NBAS: variants seen among roughly 807,000 people sequenced by gnomAD.
NBAS encodes NAG/BC035112 fusion.
A neutral mutation model predicts 302.5 loss-of-function variants in NBAS; 219 were observed. The observed-to-expected ratio is 0.72, with a 90% CI of 0.65 to 0.81. The LOEUF is 0.81. Ranked by LOEUF, NBAS falls within the 30% of genes least tolerant of loss-of-function variation. The probability of loss-of-function intolerance (pLI) is 0.00; values close to 1 mark genes in which losing one functional copy is unlikely to be tolerated. For synonymous variants in NBAS, 1,118 were observed against 1,021.6 expected, an observed-to-expected ratio of 1.09 and a Z score of -1.80; for missense variants, 2,932 against 2,841.6, an observed-to-expected ratio of 1.03 and a Z score of -0.72.
In NBAS at chr2:15,176,157, C is replaced by T. The variant is rs11891085; in HGVS notation, c.6840+2831G>A. Among the ~76,000 whole-genome samples, 1,370 of 152,332 alleles carry T rather than the reference C, an allele frequency of 9.0e-3. 17 individuals carry two copies. Among genetic ancestry groups the T allele is most frequent in the African/African-American group, 0.031 (1,295 of 41,568 alleles). On this transcript the variant is annotated intron_variant, in intron 51 of 51. Transcript: ENST00000281513. ...TGCAATACCAAGGATGACTTAAAAA[C>T]AGCTAGACGTGAGTCGGGCCAAAAT...
intron 21 of NBAS, among the ~76,000 whole-genome samples, chr2:15,437,328 A>T (rs1678076144): frequency 6.6e-6 from 1 of 152,082 alleles, no homozygotes; most frequent in Admixed American, 6.5e-5. Flanking sequence ...AAAGAGAAAG[A>T]GAGAGAGAGA....
chr2:15,129,114 A>G, the NBAS span, among the ~76,000 whole-genome samples: 6 of 152,340 alleles, frequency 3.9e-5, no homozygotes, highest in South Asian at 1.2e-3. Context: ...CCTCAGTGCC[A>G]TCAGCAACAT....
At position 15,488,975 on chromosome 2, in the gene NBAS, T is replaced by C. The variant is rs750871138; in HGVS notation, c.1002A>G (p.Ala334=). ...TCAGTTTCCCTGAGAAGTGAATGGC[T>C]GCCAGGAGCATCCCATCTGGAGAAA... The part of the protein sequence containing the change: ...MSLSPDGMLL[A]AIHFSGKLSI... The change falls in exon 12 of 52, where the codon GCA becomes GCG. Residue 334 remains alanine (A), a synonymous_variant. Transcript: ENST00000281513. The C allele has an allele frequency of 1.9e-6, 3 of 1,613,880 alleles. No individual in the cohort carries two copies. Among genetic ancestry groups the C allele is most frequent in the South Asian group, 2.2e-5 (2 of 91,078 alleles).
chr2:14,784,039 T>C, the NBAS span, among the ~76,000 whole-genome samples: 1 of 146,174 alleles, frequency 6.8e-6, no homozygotes, highest in Admixed American at 6.9e-5. Context: ...GGTATCTCAT[T>C]GTAGTTTTGA....
At chr2:15,110,612 G>C in the NBAS span, among the ~76,000 whole-genome samples, 1 of 152,232 alleles carries the variant, frequency 6.6e-6, no homozygotes, top group South Asian at 2.1e-4. Context: ...GGAATCCTCA[G>C]ACCCTTCCTC....
chr2:15,209,646 C>T (rs992526550), intron 48 of NBAS, among the ~76,000 whole-genome samples: 1 of 152,058 alleles, frequency 6.6e-6, no homozygotes, highest in Non-Finnish European at 1.5e-5. Flanking sequence ...TATGAAGTTA[C>T]AAAGACCTAG....
intron 28 of NBAS, among the ~76,000 whole-genome samples, chr2:15,384,100 G>C (rs1279662995): frequency 6.6e-6 from 1 of 152,226 alleles, no homozygotes. Context: ...CTCCAGGCCA[G>C]AGGCAATTTA....
At chr2:14,860,835 A>G in the NBAS span, among the ~76,000 whole-genome samples, 1 of 152,196 alleles carries the variant, frequency 6.6e-6, no homozygotes, top group African/African-American at 2.4e-5. Context: ...GCTCGAAGAG[A>G]GTAATTCAAG....
chr2:15,125,424 C>T, the NBAS span, among the ~76,000 whole-genome samples: 1 of 152,132 alleles, frequency 6.6e-6, no homozygotes, highest in East Asian at 1.9e-4. Context: ...CTCACAAGAA[C>T]TTACTCACTA....
the NBAS span, among the ~76,000 whole-genome samples, chr2:14,871,637 CA>C: frequency 6.6e-6 from 1 of 151,772 alleles, no homozygotes; most frequent in African/African-American, 2.4e-5. Context: ...AATAGTAGCA[CA>C]AAAGGCAGGA....
chr2:14,876,152 T>C, the NBAS span, among the ~76,000 whole-genome samples: 2 of 152,262 alleles, frequency 1.3e-5, no homozygotes, highest in Non-Finnish European at 1.5e-5. Flanking sequence ...TTATTTATTA[T>C]CACTGTTGGG....
chr2:15,520,619 A>C (rs566534327), intron 9 of NBAS, among the ~76,000 whole-genome samples: 101 of 152,274 alleles, frequency 6.6e-4, no homozygotes, highest in African/African-American at 2.4e-3. Context: ...ATAAAAAAAA[A>C]AACAGACAAT....
intron 11 of NBAS, among the ~76,000 whole-genome samples, chr2:15,503,439 G>C (rs1661679865): frequency 1.3e-5 from 2 of 152,302 alleles, no homozygotes; most frequent in South Asian, 2.1e-4. Context: ...AACTGAAGCA[G>C]TGAAAAAGAT....
chr2:15,002,637 G>T, the NBAS span, among the ~76,000 whole-genome samples: 1 of 152,224 alleles, frequency 6.6e-6, no homozygotes, highest in Non-Finnish European at 1.5e-5. Flanking sequence ...GGAGGTGGTG[G>T]GAGGCTCAGG....
the NBAS span, among the ~76,000 whole-genome samples, chr2:15,046,472 C>T: frequency 0.014 from 2,178 of 152,236 alleles, 39 homozygotes; most frequent in African/African-American, 0.043. Flanking sequence ...CAAACACAAA[C>T]TTTGAACACT....
the NBAS span, among the ~76,000 whole-genome samples, chr2:15,016,048 T>A: frequency 6.6e-6 from 1 of 151,640 alleles, no homozygotes; most frequent in Admixed American, 6.6e-5. Flanking sequence ...AAAAAAAAAA[T>A]ACCTTGTATA....
At chr2:15,360,936 T>C (rs1218166924) in intron 32 of NBAS, among the ~76,000 whole-genome samples, 2 of 152,106 alleles carry the variant, frequency 1.3e-5, no homozygotes, top group Non-Finnish European at 2.9e-5. Context: ...AATAACATAG[T>C]ATAGTAAACA....
chr2:15,469,637 C>T (rs971135691), intron 16 of NBAS, among the ~76,000 whole-genome samples: 1 of 152,004 alleles, frequency 6.6e-6, no homozygotes, highest in African/African-American at 2.4e-5. Context: ...CATATATACA[C>T]CATGGAATAC....
At chr2:15,042,540 A>G in the NBAS span, among the ~76,000 whole-genome samples, 2 of 152,372 alleles carry the variant, frequency 1.3e-5, no homozygotes, top group South Asian at 4.1e-4. Context: ...AGAAATTCAC[A>G]GGAAGCCCAT....
Sources: gnomAD v4.1 joint callset for allele counts (sites outside exome capture counted in the v4.1 genomes callset) on GRCh38, gnomAD v4.1.1 for gene constraint, MANE v1.5 for transcripts, NCBI Gene and HGNC (gene_info 2026-07-23, HGNC 2026-07-21) for gene names.